Variants in MPP3 observed in about 807,000 individuals in gnomAD.
MPP3 encodes the protein MAGUK p55 scaffold protein 3.
MPP3 carries 48 observed loss-of-function variants against 80.7 expected under a neutral mutation model. The ratio of observed to expected loss-of-function variants is 0.59; its 90% CI spans 0.47 to 0.76. The LOEUF is 0.76. Ranked by LOEUF, MPP3 falls within the 30% of genes least tolerant of loss-of-function variation. MPP3 has a pLI of 0.00. For synonymous variants in MPP3, 311 were observed against 297.6 expected, an observed-to-expected ratio of 1.04 and a Z score of -0.46; for missense variants, 620 against 763.0, an observed-to-expected ratio of 0.81 and a Z score of 2.21.
intron 11 of MPP3, among the ~76,000 whole-genome samples, chr17:43,818,356 G>A (rs2045257459): frequency 6.6e-6 from 1 of 152,152 alleles, no homozygotes; most frequent in South Asian, 2.1e-4. Flanking sequence ...GCTCAAGATG[G>A]CCACACAGGA....
rs764167709 is a variant in MPP3 at position 43,827,851 on chromosome 17, A to G, written c.442-19T>C. On this transcript the variant is annotated intron_variant, in intron 7 of 19. Transcript: ENST00000398389. ...TGGCACCCTGAACCCGAGACAGAAGAGACAGGTTCTTAAGCAGCAGCTCCA... is the reference window on the plus strand; with the variant it reads ...TGGCACCCTGAACCCGAGACAGAAGGGACAGGTTCTTAAGCAGCAGCTCCA... The G allele has an allele frequency of 1.2e-6, 2 of 1,612,332 alleles. No individual in the cohort carries two copies. The highest frequency in any genetic ancestry group is 2.2e-5 in the South Asian group (2 of 91,074).
chr17:43,825,572 C>A, intron 9 of MPP3, 184 bp downstream of exon 9: 1 of 562,796 alleles, frequency 1.8e-6, no homozygotes, highest in Non-Finnish European at 3.2e-6. Flanking sequence ...AAGGGAAGTT[C>A]CCCTCCTCCT....
chr17:43,816,713 A>C lies in MPP3; in HGVS notation c.947-16T>G. The C allele has an allele frequency of 6.4e-7, 1 of 1,572,634 alleles. No individual in the cohort carries two copies. Among genetic ancestry groups the C allele is most frequent in the Non-Finnish European group, 8.6e-7 (1 of 1,158,198 alleles). On this transcript the variant is annotated splice_polypyrimidine_tract_variant and intron_variant, in intron 12 of 19. Transcript: ENST00000398389. ...GGCTGATCATCTGCGGTTTGCACAA[A>C]AGACAGATGGAACAGCATTAGTGGA...
At chr17:43,814,549 G>C in intron 14 of MPP3, 188 bp from the exon 15 acceptor site, 1 of 537,776 alleles carries the variant, frequency 1.9e-6, no homozygotes, top group Non-Finnish European at 3.2e-6. Flanking sequence ...GGTGACCCCT[G>C]CATTCACAAA....
At chr17:43,827,899 G>C in intron 7 of MPP3, 67 bp from the exon 8 acceptor site, 1 of 1,465,062 alleles carries the variant, frequency 6.8e-7, no homozygotes, top group Non-Finnish European at 9.5e-7. Flanking sequence ...CTACTCTCTG[G>C]ACCCAACACA....
At chr17:43,812,939 A>T (rs1377533098) in intron 16 of MPP3, among the ~76,000 whole-genome samples, 1 of 152,190 alleles carries the variant, frequency 6.6e-6, no homozygotes, top group Admixed American at 6.5e-5. Context: ...TGTGGAAGAC[A>T]GCTCTGACAA....
At chr17:43,802,624 T>TA (rs1467079493) in intron 19 of MPP3, among the ~76,000 whole-genome samples, 1 of 152,202 alleles carries the variant, frequency 6.6e-6, no homozygotes, top group Non-Finnish European at 1.5e-5. Flanking sequence ...GAACCTCTAA[T>TA]AAGTATTATT....
At chr17:43,826,300 C>G (rs1361028920) in intron 8 of MPP3, among the ~76,000 whole-genome samples, 2 of 152,158 alleles carry the variant, frequency 1.3e-5, no homozygotes, top group Non-Finnish European at 2.9e-5. Flanking sequence ...CACTATGAGC[C>G]TCTGCCTGAA....
rs374027574 is a variant in MPP3, at chr17:43,810,657, T to C, written c.1458+150A>G. The C allele has an allele frequency of 3.2e-4, 200 of 629,022 alleles. 2 individuals are homozygous for C. The highest frequency in any genetic ancestry group is 2.5e-3 in the East Asian group (91 of 36,768). 39.0% of individuals were successfully genotyped at this position (629,022 alleles called of 1,614,324 possible). ...ATGTTTTGGGGTACAAGGCTTTCAT[T>C]TGATTCTCAAAGGAAGACCCAAAGA... On this transcript the variant is annotated intron_variant, in intron 18 of 19. Transcript: ENST00000398389.
chr17:43,804,920 A>C (rs1230175289), intron 19 of MPP3, among the ~76,000 whole-genome samples: 2 of 152,188 alleles, frequency 1.3e-5, no homozygotes, highest in East Asian at 3.8e-4. Flanking sequence ...TTGGAGGTTG[A>C]GGCAGGAGAA....
At chr17:43,815,841 G>C (rs572620975) in intron 14 of MPP3, 197 bp downstream of exon 14, 1 of 667,490 alleles carries the variant, frequency 1.5e-6, no homozygotes, top group Non-Finnish European at 2.6e-6. Context: ...CTGGGTAAAA[G>C]CTGGGTGGGG....
chr17:43,813,141 G>A (rs1200948035), intron 16 of MPP3, among the ~76,000 whole-genome samples: 1 of 152,200 alleles, frequency 6.6e-6, no homozygotes, highest in African/African-American at 2.4e-5. Context: ...GTCCCAGAAA[G>A]AAAAGGGGCA....
chr17:43,829,655 AG>A lies in MPP3; in HGVS notation c.439del (p.Leu147TrpfsTer40), dbSNP rs773841619. ...IVRLVKNKEP[L>X]GATIRRDEHS... ...AGAGGGGCAGGCAGCAGCACCTACC[AG>A]GGGTTCCTTGTTCTTCACCAAGCGG... On this transcript the variant is annotated frameshift_variant and splice_region_variant, in exon 7 of 20. Transcript: ENST00000398389. LOFTEE classifies it high-confidence loss of function. 26 of 1,613,692 alleles carry A rather than the reference AG, an allele frequency of 1.6e-5. No homozygotes were observed. The Admixed American group carries it at 4.3e-4, about 27-fold the overall frequency.
intron 10 of MPP3, among the ~76,000 whole-genome samples, chr17:43,823,253 C>G (rs2045545188): frequency 6.6e-6 from 1 of 152,132 alleles, no homozygotes; most frequent in African/African-American, 2.4e-5. Context: ...AACCCACCTC[C>G]CCAGCAAAAC....
chr17:43,816,015 G>C, intron 14 of MPP3, 23 bp downstream of exon 14: 2 of 1,482,272 alleles, frequency 1.3e-6, no homozygotes, highest in South Asian at 2.7e-5. Context: ...TCGTGCATGT[G>C]GGTGTCAGGG....
chr17:43,832,234 G>A (rs2045999900), intron 2 of MPP3: 1 of 423,048 alleles, frequency 2.4e-6, no homozygotes, highest in Non-Finnish European at 4.2e-6. Flanking sequence ...AAACAGCGGC[G>A]TGGAAGCTTT....
chr17:43,820,894 G>T lies in MPP3; in HGVS notation c.849C>A (p.Ala283=). The part of the protein sequence containing the change: ...AKRVGDTNLR[A]GLIPSKGFQE... ...GGAACCCCTTGGAGGGGATGAGGCC[G>T]GCTCGAAGGTTGGTGTCCCCGACTC... The change falls in exon 11 of 20, where the codon GCC becomes GCA. Residue 283 remains alanine (A), a synonymous_variant. Transcript: ENST00000398389. 1 of 1,614,172 alleles carries T rather than the reference G, an allele frequency of 6.2e-7. No individual in the cohort carries two copies. Among genetic ancestry groups the T allele is most frequent in the South Asian group, 1.1e-5 (1 of 91,084 alleles).
chr17:43,825,517 G>A, intron 9 of MPP3: 1 of 434,910 alleles, frequency 2.3e-6, no homozygotes, highest in Non-Finnish European at 4.2e-6. Flanking sequence ...ACCAGGGGAA[G>A]GAAGGAAGGC....
rs1462941459 is a variant in MPP3 at position 43,810,808 on chromosome 17, T to C, written c.1457A>G (p.Glu486Gly). 8.1e-6 allele frequency: 13 copies of C among 1,602,180 alleles called. No homozygotes were observed. The highest frequency in any genetic ancestry group is 1.1e-5 in the Non-Finnish European group (13 of 1,175,478). ...TGGCCAGCAGGCCCAGCAACTCACT[T>C]CTGGCTCCACATCCACCAAACAAAC... ...NKVCLVDVEP[E>G]ALKQLRTSEF... Residue 486 changes from glutamate (E) to glycine (G), a missense_variant and splice_region_variant, in exon 18 of 20, where the codon GAA becomes GGA. Glu to Gly is a moderately conservative substitution (Grantham distance 98). Transcript: ENST00000398389.
Sources: gnomAD v4.1 joint callset for allele counts (sites outside exome capture counted in the v4.1 genomes callset) on GRCh38, gnomAD v4.1.1 for gene constraint, MANE v1.5 for transcripts, NCBI Gene and HGNC (gene_info 2026-07-23, HGNC 2026-07-21) for gene names.